The following LEPROTL1 variants were observed in gnomAD, a reference collection of about 807,000 sequenced individuals.
The protein encoded by LEPROTL1 is leptin receptor overlapping transcript-like 1.
In LEPROTL1, 6 loss-of-function variants were observed where a neutral mutation model predicts 15.4. The ratio of observed to expected loss-of-function variants is 0.39; its 90% confidence interval spans 0.21 to 0.77. The LOEUF is 0.77. Ranked by LOEUF, LEPROTL1 falls within the 30% of genes least tolerant of loss-of-function variation. The pLI is 0.41. For missense variants in LEPROTL1, 128 were observed against 158.1 expected, an observed-to-expected ratio of 0.81 and a Z score of 1.02; for synonymous variants, 56 against 52.6, an observed-to-expected ratio of 1.06 and a Z score of -0.28.
chr8:30,137,146 C>T, intron 4 of LEPROTL1: 2 of 759,786 alleles, frequency 2.6e-6, no homozygotes, highest in Non-Finnish European at 4.3e-6. Flanking sequence ...ATTGTGATCA[C>T]CAGAGAGAGC....
chr8:30,095,527 A>T lies in LEPROTL1; in HGVS notation c.15A>T (p.Lys5Asn). Residue 5 changes from lysine to asparagine, a missense_variant and splice_region_variant, in exon 1 of 4, where the codon AAA becomes AAT. Coordinates refer to ENST00000321250, the MANE Select transcript of LEPROTL1 (RefSeq NM_015344.3). The stretch of plus-strand genomic sequence containing the variant: ...ACGTCACCGCCATGGCAGGCATCAA[A>T]GGTGGGCCTGGGTTGCAGGACGCGG... MAGI[K>N]ALISLSFGGA... The T allele has an allele frequency of 6.9e-7, 1 of 1,446,430 alleles. No homozygotes were observed. The highest frequency in any genetic ancestry group is 2.0e-4 in the Middle Eastern group (1 of 5,020). The allele number at this position is 1,446,430 out of a possible 1,614,324, so 89.6% of individuals were successfully genotyped here. A position where few individuals can be genotyped will look rare whatever the true frequency, so the allele number is the denominator to read the frequency against.
At chr8:30,123,554 T>C (rs1031945937) in intron 3 of LEPROTL1, among the ~76,000 whole-genome samples, 2 of 152,248 alleles carry the variant, frequency 1.3e-5, no homozygotes, top group Admixed American at 6.5e-5. Context: ...TTCCTAAATA[T>C]GTCAGGTTTT....
intron 2 of LEPROTL1, among the ~76,000 whole-genome samples, chr8:30,103,944 C>A (rs1346057840): frequency 6.6e-6 from 1 of 152,152 alleles, no homozygotes; most frequent in Non-Finnish European, 1.5e-5. Flanking sequence ...ACCCTCCACA[C>A]AGCCTGCCAG....
At chr8:30,131,680 T>A (rs898904614) in intron 3 of LEPROTL1, 2 of 326,562 alleles carry the variant, frequency 6.1e-6, no homozygotes, top group African/African-American at 2.1e-5. Context: ...ATGTATCACT[T>A]TACTTAATCT....
At chr8:30,132,218 C>A (rs1260508354) in intron 3 of LEPROTL1, 1 of 1,551,858 alleles carries the variant, frequency 6.4e-7, no homozygotes, top group Non-Finnish European at 8.7e-7. Context: ...AAACCAAACA[C>A]CTGTCCTGGA....
downstream of LEPROTL1, among the ~76,000 whole-genome samples, chr8:30,109,618 T>A (rs191644002): frequency 6.6e-6 from 1 of 152,326 alleles, no homozygotes; most frequent in Admixed American, 6.5e-5. Flanking sequence ...TTGATCCTTT[T>A]CATACAACTG....
In LEPROTL1 at chr8:30,108,511, T is replaced by C. The variant is rs1158419441; in HGVS notation, c.*2649T>C. ...GTACACTGTGAAGAGAGAAAAGTAC[T>C]GTTCTGTATTTTCAAATATTAGTCG... On this transcript the variant is annotated 3_prime_UTR_variant, in exon 4 of 4. Coordinates refer to ENST00000321250, the MANE Select transcript of LEPROTL1 (RefSeq NM_015344.3). 6.6e-6 allele frequency: 1 copy of C among 152,214 alleles called. No individual in the cohort carries two copies. The highest frequency in any genetic ancestry group is 2.4e-5 in the African/African-American group (1 of 41,458). The allele number at this position is 152,214 out of a possible 1,614,324, so 9.4% of individuals were successfully genotyped here.
chr8:30,105,901 C>A lies in LEPROTL1; in HGVS notation c.*39C>A. The A allele has an allele frequency of 1.4e-6, 2 of 1,451,934 alleles. No homozygotes were observed. The highest frequency in any genetic ancestry group is 2.9e-5 in the South Asian group (2 of 68,454). 89.9% of individuals were successfully genotyped at this position (1,451,934 alleles called of 1,614,324 possible). A position where few individuals can be genotyped will look rare whatever the true frequency, so the allele number is the denominator to read the frequency against. On this transcript the variant is annotated 3_prime_UTR_variant, in exon 4 of 4. Transcript: ENST00000321250. ...AACTATTGTCAAATGGACTTCCTGT[C>A]ATTTGTTGGCCATTCACGCACACAG...
chr8:30,137,123 G>T (rs1045641785), intron 4 of LEPROTL1: 5 of 656,504 alleles, frequency 7.6e-6, no homozygotes, highest in South Asian at 7.6e-5. Flanking sequence ...TGCTCCAAGT[G>T]ACCCTGAAGC....
At chr8:30,137,398 A>G (rs1260553492) in exon 5 of LEPROTL1, 2 of 1,551,610 alleles carry the variant, frequency 1.3e-6, no homozygotes, top group East Asian at 4.9e-5. Flanking sequence ...CAGAGTGTCC[A>G]CTCAACCCGT....
At position 30,107,403 on chromosome 8, in the gene LEPROTL1, C is replaced by A; in HGVS notation, c.*1541C>A. The stretch of plus-strand genomic sequence containing the variant: ...TTTGTATGTTTATTCAGTATACTTA[C>A]ATAAAAATTATTTCGCCATCAGCCA... On this transcript the variant is annotated 3_prime_UTR_variant, in exon 4 of 4. Coordinates refer to ENST00000321250, the MANE Select transcript of LEPROTL1 (RefSeq NM_015344.3). The A allele has an allele frequency of 1.0e-6, 1 of 985,536 alleles. No homozygotes were observed. Among genetic ancestry groups the A allele is most frequent in the Non-Finnish European group, 1.2e-6 (1 of 829,680 alleles). The allele number at this position is 985,536 out of a possible 1,614,324, so 61.0% of individuals were successfully genotyped here.
intron 3 of LEPROTL1, 55 bp downstream of exon 3, chr8:30,104,541 T>C: frequency 7.9e-7 from 1 of 1,266,930 alleles, no homozygotes; most frequent in Non-Finnish European, 1.1e-6. Flanking sequence ...TGTTACATTT[T>C]TCTCAAGCAA....
downstream of LEPROTL1, among the ~76,000 whole-genome samples, chr8:30,110,421 T>C (rs1433062635): frequency 2.6e-5 from 4 of 152,050 alleles, no homozygotes; most frequent in East Asian, 7.7e-4. Context: ...CAGGAATTTT[T>C]TTTTACTTCA....
intron 1 of LEPROTL1, among the ~76,000 whole-genome samples, chr8:30,097,390 A>G (rs930168462): frequency 1.3e-5 from 2 of 151,996 alleles, no homozygotes; most frequent in African/African-American, 4.8e-5. Flanking sequence ...TTTAGTATTT[A>G]ATCCTGGCGC....
At chr8:30,111,358 T>C (rs899810619), downstream of LEPROTL1, among the ~76,000 whole-genome samples, 11 of 152,228 alleles carry the variant, frequency 7.2e-5, no homozygotes, top group Non-Finnish European at 1.2e-4. Flanking sequence ...TTAAATAATT[T>C]ATTATCAACT....
At chr8:30,096,237 C>A in intron 1 of LEPROTL1, 3 of 921,844 alleles carry the variant, frequency 3.3e-6, no homozygotes, top group Non-Finnish European at 3.9e-6. Flanking sequence ...ACTGGTACAA[C>A]TTAATGAAAA....
chr8:30,098,993 C>T (rs1294133907), intron 1 of LEPROTL1, among the ~76,000 whole-genome samples: 1 of 152,210 alleles, frequency 6.6e-6, no homozygotes, highest in Non-Finnish European at 1.5e-5. Context: ...TCCTCCCTCC[C>T]CTCATACAGA....
chr8:30,115,539 A>ATTTTT lies in LEPROTL1; in HGVS notation c.279+11077_279+11081dup, dbSNP rs71206228. 4.6e-4 allele frequency among the ~76,000 whole-genome samples: 34 copies of ATTTTT among 74,378 alleles called. 1 individual carries two copies. Among genetic ancestry groups the ATTTTT allele is most frequent in the African/African-American group, 1.1e-3 (19 of 17,902 alleles). The allele number at this position is 74,378 out of a possible 152,430, so 48.8% of individuals were successfully genotyped here. A position where few individuals can be genotyped will look rare whatever the true frequency, so the allele number is the denominator to read the frequency against. On this transcript the variant is annotated intron_variant, in intron 3 of 4. Coordinates refer to the LEPROTL1 transcript ENST00000442880. ...AGGCACGCACCACCATGCCTGGCTA[A>ATTTTT]TTTTTTTTTTTTTTTTTTTTTTTTT... is the stretch of plus-strand genomic sequence containing the variant.
chr8:30,101,752 G>A (rs1403840153), intron 1 of LEPROTL1, 146 bp from the exon 2 acceptor site: 3 of 464,984 alleles, frequency 6.5e-6, no homozygotes, highest in South Asian at 2.8e-5. Context: ...TCTAAGACTA[G>A]ATAACTTACA....
Sources: allele counts gnomAD v4.1 joint callset (sites outside exome capture counted in the v4.1 genomes callset), GRCh38; gene constraint gnomAD v4.1.1; transcripts MANE v1.5; gene names NCBI Gene and HGNC (gene_info 2026-07-23, HGNC 2026-07-21).